Variants in RTKN2 observed in about 807,000 individuals in gnomAD.
The protein encoded by RTKN2 is rhotekin-2.
In RTKN2, 69 loss-of-function variants were observed where a neutral mutation model predicts 71.5. The observed-to-expected ratio is 0.96, with a 90% CI of 0.79 to 1.18. The LOEUF (loss-of-function observed/expected upper bound fraction) is 1.18, where lower values mean the gene tolerates loss of function less well. Among genes scored for constraint, RTKN2 ranks in the 50% most tolerant of loss-of-function variants. The pLI, the probability that RTKN2 is intolerant of heterozygous loss-of-function variation, is 0.00. For missense variants in RTKN2, 724 were observed against 719.7 expected (o/e 1.01, Z -0.07); for synonymous variants, 236 against 236.5 (o/e 1.00, Z 0.02).
chr10:62,194,269 T>C lies in RTKN2; in HGVS notation c.*3639A>G, dbSNP rs1841279659. On this transcript the variant is annotated 3_prime_UTR_variant, in exon 12 of 12. Coordinates refer to ENST00000373789, the MANE Select transcript of RTKN2 (RefSeq NM_145307.4). ...TTTCCCAGAGTTAACTAAGAACATC[T>C]ATGATCCAGAATATGCAGATTTCAT... The C allele has an allele frequency of 3.0e-6, 3 of 984,734 alleles. No homozygotes were observed. The highest frequency in any genetic ancestry group is 3.6e-6 in the Non-Finnish European group (3 of 829,290). The allele number at this position is 984,734 out of a possible 1,614,324, so 61.0% of individuals were successfully genotyped here. A position where few individuals can be genotyped will look rare whatever the true frequency, so the allele number is the denominator to read the frequency against.
At chr10:62,225,033 T>G (rs1841990960) in intron 6 of RTKN2, among the ~76,000 whole-genome samples, 1 of 137,492 alleles carries the variant, frequency 7.3e-6, no homozygotes, top group African/African-American at 2.6e-5. Context: ...GCTGTCTTTT[T>G]GACCAAACTC....
chr10:62,262,370 C>T lies in RTKN2; in HGVS notation c.257+255G>A, dbSNP rs139883186. ...ATATTGGTACTTTCTTCTTAAAATG[C>T]TCCCTCAGTCATTGCTTCTGGATAA... On this transcript the variant is annotated intron_variant, in intron 2 of 11. Transcript: ENST00000373789. Among the ~76,000 whole-genome samples the T allele has an allele frequency of 1.8e-3, 272 of 152,272 alleles. 1 individual carries two copies. The highest frequency in any genetic ancestry group is 3.0e-3 in the Non-Finnish European group (203 of 68,026).
chr10:62,248,819 T>A (rs1842524572), intron 2 of RTKN2, among the ~76,000 whole-genome samples: 1 of 152,188 alleles, frequency 6.6e-6, no homozygotes, highest in South Asian at 2.1e-4. Context: ...TAAAACAGCA[T>A]TTCTTTGCCA....
chr10:62,223,725 G>A (rs370100229), intron 6 of RTKN2, among the ~76,000 whole-genome samples: 6 of 152,226 alleles, frequency 3.9e-5, no homozygotes, highest in South Asian at 2.1e-4. Flanking sequence ...ATTGCTGGTC[G>A]GAATGTAAAA....
intron 10 of RTKN2, among the ~76,000 whole-genome samples, chr10:62,202,385 A>T (rs967107558): frequency 6.6e-6 from 1 of 152,184 alleles, no homozygotes. Flanking sequence ...TTCTGCCCTG[A>T]ATACCTATCC....
intron 2 of RTKN2, among the ~76,000 whole-genome samples, chr10:62,250,327 CT>C (rs1842556715): frequency 6.6e-6 from 1 of 152,144 alleles, no homozygotes; most frequent in South Asian, 2.1e-4. Context: ...CCTTTGGAGC[CT>C]TGGCTACGAA....
intron 2 of RTKN2, among the ~76,000 whole-genome samples, chr10:62,261,777 T>C (rs547620662): frequency 2.0e-5 from 3 of 152,334 alleles, no homozygotes; most frequent in Non-Finnish European, 4.4e-5. Context: ...AATCTCAGAC[T>C]CTGACTGGTG....
chr10:62,253,087 C>A (rs981069553), intron 2 of RTKN2, among the ~76,000 whole-genome samples: 53 of 152,028 alleles, frequency 3.5e-4, no homozygotes, highest in Admixed American at 2.3e-3. Flanking sequence ...TAATATAAAA[C>A]CCAACTCTAG....
chr10:62,231,826 T>A (rs1028106479), intron 6 of RTKN2, among the ~76,000 whole-genome samples: 1 of 152,212 alleles, frequency 6.6e-6, no homozygotes, highest in Admixed American at 6.5e-5. Flanking sequence ...GACTAAAAGC[T>A]GTATTAGAAA....
At chr10:62,260,264 A>G (rs1842749203) in intron 2 of RTKN2, among the ~76,000 whole-genome samples, 2 of 152,326 alleles carry the variant, frequency 1.3e-5, no homozygotes, top group South Asian at 4.1e-4. Flanking sequence ...ACAGGGCTTA[A>G]TAAGTGTTCT....
chr10:62,201,162 C>G (rs1358384754), intron 10 of RTKN2, among the ~76,000 whole-genome samples: 2 of 152,060 alleles, frequency 1.3e-5, no homozygotes, highest in Non-Finnish European at 2.9e-5. Flanking sequence ...ATGTAATACA[C>G]TTATGTTGTA....
Position 62,193,904 on chromosome 10 carries a change from T to C in RTKN2, c.*4004A>G. 1.0e-6 allele frequency: 1 copy of C among 982,368 alleles called. No homozygotes were observed. The highest frequency in any genetic ancestry group is 1.7e-5 in the African/African-American group (1 of 57,304). The allele number at this position is 982,368 out of a possible 1,614,324, so 60.9% of individuals were successfully genotyped here. The stretch of plus-strand genomic sequence containing the variant: ...ATAATAATTAGCACCAGCTACTTGG[T>C]ATGTCTTTTTCTGATTAAACTGATT... On this transcript the variant is annotated 3_prime_UTR_variant, in exon 12 of 12. Transcript: ENST00000373789.
At chr10:62,267,197 G>A (rs1457750156) in intron 1 of RTKN2, among the ~76,000 whole-genome samples, 1 of 152,094 alleles carries the variant, frequency 6.6e-6, no homozygotes, top group African/African-American at 2.4e-5. Context: ...TTTTGATTTT[G>A]TCCTGCCTAA....
rs1297728325 is a variant in RTKN2, at chr10:62,217,143, G to A, written c.995C>T (p.Pro332Leu). 3.8e-6 allele frequency: 6 copies of A among 1,584,350 alleles called. No homozygotes were observed. Among genetic ancestry groups the A allele is most frequent in the Non-Finnish European group, 5.1e-6 (6 of 1,168,334 alleles). ...SPEEIEAKVE[P>L]ALVVPINKET... ...CTTGTTAATGGGTACTACCAAAGCT[G>A]GTTCCACTTTAGCTTCAATTTCCTC... is the stretch of plus-strand genomic sequence containing the variant. The change falls in exon 9 of 12, where the codon CCA (proline) becomes CTA (leucine). Residue 332 changes from proline to leucine, a missense_variant. Transcript: ENST00000373789.
intron 6 of RTKN2, among the ~76,000 whole-genome samples, chr10:62,225,057 C>CT (rs35508742): frequency 0.57 from 87,066 of 151,998 alleles, 25,410 homozygotes; most frequent in East Asian, 0.9. Context: ...CCATGATCCT[C>CT]TGAGTCCTTT....
intron 2 of RTKN2, among the ~76,000 whole-genome samples, chr10:62,248,436 TAATATA>T (rs995760989): frequency 6.6e-6 from 1 of 152,164 alleles, no homozygotes; most frequent in Non-Finnish European, 1.5e-5. Context: ...ACAGTTTGCT[TAATATA>T]AATACTTGTT....
intron 7 of RTKN2, among the ~76,000 whole-genome samples, chr10:62,219,279 T>G (rs1422123867): frequency 1.3e-5 from 2 of 152,088 alleles, no homozygotes; most frequent in African/African-American, 4.8e-5. Context: ...GCAGCCTAGA[T>G]TTGGGACTCT....
At chr10:62,261,831 C>G (rs1424074647) in intron 2 of RTKN2, among the ~76,000 whole-genome samples, 2 of 152,162 alleles carry the variant, frequency 1.3e-5, no homozygotes, top group East Asian at 3.9e-4. Flanking sequence ...TATGCTGAGC[C>G]CAACAGTCAC....
At chr10:62,191,195 G>A (rs1471625025), downstream of RTKN2, among the ~76,000 whole-genome samples, 1 of 152,108 alleles carries the variant, frequency 6.6e-6, no homozygotes, top group African/African-American at 2.4e-5. Flanking sequence ...ACAGTGACTC[G>A]ATCACAGTTC....
Sources: allele counts gnomAD v4.1 joint callset (sites outside exome capture counted in the v4.1 genomes callset), GRCh38; gene constraint gnomAD v4.1.1; transcripts MANE v1.5; gene names NCBI Gene and HGNC (gene_info 2026-07-23, HGNC 2026-07-21).